The following BEND7 variants were observed in gnomAD, a reference collection of about 807,000 sequenced individuals.
BEND7 encodes BEN domain-containing protein 7.
BEND7 carries 28 observed loss-of-function variants against 50.9 expected under a neutral mutation model. The ratio of observed to expected loss-of-function variants is 0.55; its 90% CI spans 0.41 to 0.75. BEND7 has a LOEUF of 0.75. Among genes scored for constraint, BEND7 ranks in the 30% least tolerant of loss-of-function variants. The pLI is 0.00. For synonymous variants in BEND7, 170 were observed against 183.9 expected, an observed-to-expected ratio of 0.92 and a Z score of 0.61; for missense variants, 477 against 491.3, an observed-to-expected ratio of 0.97 and a Z score of 0.28.
At chr10:13,495,255 A>C (rs2076947059) in intron 4 of BEND7, among the ~76,000 whole-genome samples, 1 of 152,214 alleles carries the variant, frequency 6.6e-6, no homozygotes, top group South Asian at 2.1e-4. Flanking sequence ...GGAGATGTTA[A>C]CCTCCTCCAG....
chr10:13,510,980 C>T (rs942734674), intron 2 of BEND7, among the ~76,000 whole-genome samples: 3 of 152,136 alleles, frequency 2.0e-5, no homozygotes, highest in African/African-American at 7.2e-5. Flanking sequence ...GTGTTCAAGG[C>T]CAGCCTGGCC....
At chr10:13,469,100 A>C (rs1290022127) in intron 6 of BEND7, among the ~76,000 whole-genome samples, 1 of 152,196 alleles carries the variant, frequency 6.6e-6, no homozygotes, top group African/African-American at 2.4e-5. Context: ...AGTGATCAAG[A>C]GGTGTTGAGA....
intron 5 of BEND7, among the ~76,000 whole-genome samples, chr10:13,487,813 C>T (rs550023088): frequency 4.6e-5 from 7 of 152,146 alleles, no homozygotes; most frequent in Non-Finnish European, 1.0e-4. Context: ...GATTTCAAGG[C>T]CGGGCATGGT....
intron 7 of BEND7, among the ~76,000 whole-genome samples, chr10:13,451,382 G>GT (rs1554807233): frequency 3.4e-5 from 5 of 147,640 alleles, no homozygotes; most frequent in African/African-American, 1.2e-4. Flanking sequence ...CTTTTTTTTT[G>GT]GTGTGTGTGT....
At chr10:13,507,315 C>G (rs535165707) in intron 2 of BEND7, among the ~76,000 whole-genome samples, 85 of 152,280 alleles carry the variant, frequency 5.6e-4, no homozygotes, top group African/African-American at 2.0e-3. Flanking sequence ...ACTCTCTCTC[C>G]CCGCGCCAGT....
At chr10:13,450,455 G>C (rs1174269853) in intron 7 of BEND7, among the ~76,000 whole-genome samples, 2 of 152,112 alleles carry the variant, frequency 1.3e-5, no homozygotes, top group Non-Finnish European at 2.9e-5. Context: ...CAATTTGCTG[G>C]GGCCCCACTT....
At position 13,480,961 on chromosome 10, in the gene BEND7, C is replaced by T; in HGVS notation, c.1001G>A (p.Arg334Lys). 6.2e-7 allele frequency: 1 copy of T among 1,614,182 alleles called. No homozygotes were observed. The highest frequency in any genetic ancestry group is 8.5e-7 in the Non-Finnish European group (1 of 1,180,026). ...TLANSLPNGK[R>K]KRGLNDNRKG... ...CCGGTTGTCATTGAGTCCTCTTTTCCTCTTCCCATTGGGTAAGGAGTTAGC... is the reference window on the plus strand; with the variant it reads ...CCGGTTGTCATTGAGTCCTCTTTTCTTCTTCCCATTGGGTAAGGAGTTAGC... Residue 334 changes from arginine (R) to lysine (K), a missense_variant, in exon 6 of 9, where the codon AGG becomes AAG. Physicochemically the swap from Arg to Lys is conservative, Grantham distance 26. Transcript: ENST00000466271.
At chr10:13,488,208 T>C (rs1219619262) in intron 5 of BEND7, among the ~76,000 whole-genome samples, 1 of 151,986 alleles carries the variant, frequency 6.6e-6, no homozygotes, top group African/African-American at 2.4e-5. Flanking sequence ...GGAGACTATT[T>C]ATAGTAACTA....
intron 5 of BEND7, among the ~76,000 whole-genome samples, 196 bp from the exon 6 acceptor site, chr10:13,481,320 C>A (rs1254397984): frequency 6.6e-6 from 1 of 152,140 alleles, no homozygotes; most frequent in Non-Finnish European, 1.5e-5. Context: ...AAACAAGATG[C>A]TCTAATTCCA....
At position 13,528,852 on chromosome 10, in the gene BEND7, G is replaced by T. The variant is rs1207586079; in HGVS notation, c.-319C>A. 1 of 144,330 alleles carries T rather than the reference G, an allele frequency of 6.9e-6. No individual in the cohort carries two copies. Among genetic ancestry groups the T allele is most frequent in the Non-Finnish European group, 1.5e-5 (1 of 65,158 alleles). The allele number at this position is 144,330 out of a possible 1,614,324, so 8.9% of individuals were successfully genotyped here. On this transcript the variant is annotated 5_prime_UTR_variant, in exon 1 of 9. In the 5' UTR this introduces an upstream ATG that the reference lacks. Transcript: ENST00000466271. ...CGGGTTCCAGACGCCGCCCGCCGCA[G>T]CCCAACTTTCCGTTGGGAGCGGGCC...
rs564767585 is a variant in BEND7 at position 13,472,679 on chromosome 10, G to A, written c.1063+8220C>T. On this transcript the variant is annotated intron_variant, in intron 6 of 8. Coordinates refer to ENST00000466271, the MANE Select transcript of BEND7 (RefSeq NM_001369863.1). ...ACCCATCATCACTGTTAGACTCAGG[G>A]TCGATACCCATCATCGCTCTTAGAC... Among the ~76,000 whole-genome samples, 4 of 151,630 alleles carry A rather than the reference G, an allele frequency of 2.6e-5. No homozygotes were observed. In the South Asian group the frequency reaches 8.3e-4, roughly 32 times the overall value.
At chr10:13,474,526 T>A (rs1180619769) in intron 6 of BEND7, among the ~76,000 whole-genome samples, 1 of 137,600 alleles carries the variant, frequency 7.3e-6, no homozygotes, top group South Asian at 2.3e-4. Context: ...CTCGGGTCGA[T>A]ACCCGTCACC....
At chr10:13,493,780 T>C (rs539241475) in intron 4 of BEND7, among the ~76,000 whole-genome samples, 2 of 152,342 alleles carry the variant, frequency 1.3e-5, no homozygotes, top group East Asian at 3.9e-4. Flanking sequence ...TTGGAAAACA[T>C]GGCATCATTG....
chr10:13,466,039 T>C (rs773942453), intron 6 of BEND7, among the ~76,000 whole-genome samples: 9 of 152,144 alleles, frequency 5.9e-5, no homozygotes, highest in Non-Finnish European at 8.8e-5. Flanking sequence ...AATTTTAATT[T>C]CTATCAATTT....
intron 6 of BEND7, among the ~76,000 whole-genome samples, chr10:13,478,736 G>C (rs1455567930): frequency 6.6e-6 from 1 of 151,716 alleles, no homozygotes; most frequent in Non-Finnish European, 1.5e-5. Context: ...AATAAACACT[G>C]CAAATAAAAA....
chr10:13,514,083 G>T (rs1184469721), intron 2 of BEND7, among the ~76,000 whole-genome samples: 2 of 14,366 alleles, frequency 1.4e-4, no homozygotes, highest in African/African-American at 4.3e-4. Flanking sequence ...GGCCCTTCAG[G>T]TCTCAGTTTC....
At chr10:13,477,776 A>G (rs948356620) in intron 6 of BEND7, among the ~76,000 whole-genome samples, 1 of 152,266 alleles carries the variant, frequency 6.6e-6, no homozygotes, top group African/African-American at 2.4e-5. Flanking sequence ...ATGGATGTTT[A>G]GTATTAGACC....
intron 6 of BEND7, among the ~76,000 whole-genome samples, chr10:13,469,509 GCT>G (rs746554957): frequency 1.3e-5 from 2 of 152,124 alleles, no homozygotes; most frequent in Non-Finnish European, 2.9e-5. Context: ...ATGGATTCTT[GCT>G]CTGTCACCAG....
chr10:13,447,618 A>G (rs1836685792), intron 7 of BEND7, among the ~76,000 whole-genome samples: 1 of 131,470 alleles, frequency 7.6e-6, no homozygotes, highest in South Asian at 2.3e-4. Flanking sequence ...ATCTCGGCTC[A>G]CTACAAGCTC....
Sources: allele counts gnomAD v4.1 joint callset (sites outside exome capture counted in the v4.1 genomes callset), GRCh38; gene constraint gnomAD v4.1.1; transcripts MANE v1.5; gene names NCBI Gene and HGNC (gene_info 2026-07-23, HGNC 2026-07-21).